CACNA2D3: variants seen among roughly 807,000 people sequenced by gnomAD.
CACNA2D3 encodes voltage-dependent calcium channel subunit alpha-2/delta-3.
In CACNA2D3, 60 loss-of-function variants were observed where a neutral mutation model predicts 160.6. That is an observed-to-expected ratio of 0.37 (90% confidence interval 0.30 to 0.46). The LOEUF (loss-of-function observed/expected upper bound fraction) is 0.46. Among genes scored for constraint, CACNA2D3 ranks in the 20% least tolerant of loss-of-function variants. The pLI is 1.00. For missense variants in CACNA2D3, 1,205 were observed against 1,365.0 expected (o/e 0.88, Z 1.85); for synonymous variants, 558 against 492.9 (o/e 1.13, Z -1.75).
chr3:54,169,067 A>G (rs532065191), intron 2 of CACNA2D3, among the ~76,000 whole-genome samples: 1 of 152,238 alleles, frequency 6.6e-6, no homozygotes, highest in Admixed American at 6.5e-5. Context: ...CTGGCAGGGA[A>G]ATGTTGCTTA....
intron 2 of CACNA2D3, among the ~76,000 whole-genome samples, chr3:54,262,277 T>C (rs1350130396): frequency 6.6e-6 from 1 of 152,160 alleles, no homozygotes; most frequent in Non-Finnish European, 1.5e-5. Context: ...AGCTATTTAT[T>C]GTGTCTCCAA....
At chr3:55,043,501 C>T (rs1318661608) in intron 35 of CACNA2D3, among the ~76,000 whole-genome samples, 2 of 151,782 alleles carry the variant, frequency 1.3e-5, no homozygotes, top group Non-Finnish European at 2.9e-5. Context: ...AAAAAAGGTA[C>T]TTTGTTTTCT....
At chr3:54,215,008 G>C (rs1323852134) in intron 2 of CACNA2D3, among the ~76,000 whole-genome samples, 8 of 152,134 alleles carry the variant, frequency 5.3e-5, no homozygotes, top group Admixed American at 5.2e-4. Flanking sequence ...ACATCTTCCA[G>C]GCGTCAGTCA....
At chr3:54,526,614 A>G (rs1179834366) in intron 5 of CACNA2D3, among the ~76,000 whole-genome samples, 1 of 152,178 alleles carries the variant, frequency 6.6e-6, no homozygotes, top group Non-Finnish European at 1.5e-5. Flanking sequence ...TGCCTTGGGT[A>G]GAGCACAGTC....
chr3:54,687,264 C>T (rs541364169), intron 11 of CACNA2D3, among the ~76,000 whole-genome samples: 20 of 151,138 alleles, frequency 1.3e-4, no homozygotes, highest in African/African-American at 4.9e-4. Flanking sequence ...CCTCAGCCTC[C>T]CGAGTAGCTG....
At chr3:54,142,753 G>C (rs796509456) in intron 2 of CACNA2D3, among the ~76,000 whole-genome samples, 20 of 152,318 alleles carry the variant, frequency 1.3e-4, no homozygotes, top group African/African-American at 4.8e-4. Context: ...AAGAAGCTGA[G>C]GCATGGAATA....
At chr3:54,414,089 A>T (rs1473761604) in intron 4 of CACNA2D3, among the ~76,000 whole-genome samples, 1 of 151,928 alleles carries the variant, frequency 6.6e-6, no homozygotes. Context: ...AATTAAATTT[A>T]TATTAGGAAA....
intron 2 of CACNA2D3, among the ~76,000 whole-genome samples, chr3:54,258,009 A>G (rs1164122392): frequency 1.3e-5 from 2 of 152,196 alleles, no homozygotes; most frequent in African/African-American, 2.4e-5. Context: ...GTTTTGAGGT[A>G]TTTTTATAAG....
At chr3:54,652,843 C>T (rs564111800) in intron 11 of CACNA2D3, among the ~76,000 whole-genome samples, 40 of 138,144 alleles carry the variant, frequency 2.9e-4, no homozygotes, top group Non-Finnish European at 5.2e-4. Context: ...AGTGTAGTTG[C>T]GTAATCATGG....
chr3:54,186,443 G>A (rs1362303970), intron 2 of CACNA2D3, among the ~76,000 whole-genome samples: 1 of 152,140 alleles, frequency 6.6e-6, no homozygotes, highest in Non-Finnish European at 1.5e-5. Flanking sequence ...AATTATGCAT[G>A]TAAAACAGAA....
chr3:54,592,857 C>G (rs1052706042), intron 9 of CACNA2D3, among the ~76,000 whole-genome samples: 5 of 152,166 alleles, frequency 3.3e-5, no homozygotes, highest in Non-Finnish European at 7.3e-5. Flanking sequence ...ACCAGAGTTG[C>G]TGGATTTTCC....
At chr3:54,927,687 A>G (rs1418601899) in intron 27 of CACNA2D3, among the ~76,000 whole-genome samples, 1 of 152,178 alleles carries the variant, frequency 6.6e-6, no homozygotes, top group Non-Finnish European at 1.5e-5. Flanking sequence ...CATGCCAACT[A>G]CATATTCATG....
chr3:54,695,555 C>T (rs1178674029), intron 11 of CACNA2D3, among the ~76,000 whole-genome samples: 1 of 152,136 alleles, frequency 6.6e-6, no homozygotes, highest in African/African-American at 2.4e-5. Flanking sequence ...ACATCCCCAC[C>T]AGCAATGTAC....
chr3:54,775,788 C>T (rs528965153), intron 13 of CACNA2D3, among the ~76,000 whole-genome samples: 2 of 152,312 alleles, frequency 1.3e-5, no homozygotes, highest in Admixed American at 1.3e-4. Context: ...AAAGCATTGG[C>T]TGTAGGCAAG....
chr3:54,823,499 C>T (rs1166098221), intron 14 of CACNA2D3, among the ~76,000 whole-genome samples: 1 of 152,044 alleles, frequency 6.6e-6, no homozygotes, highest in Non-Finnish European at 1.5e-5. Context: ...CTCAACAACC[C>T]TCTTTTGCAG....
intron 11 of CACNA2D3, among the ~76,000 whole-genome samples, chr3:54,674,825 C>T (rs1700212730): frequency 6.6e-6 from 1 of 152,156 alleles, no homozygotes; most frequent in African/African-American, 2.4e-5. Context: ...GTAGGGAATG[C>T]AGTATTGACA....
chr3:54,721,775 A>AAAG (rs1553804163), intron 11 of CACNA2D3, among the ~76,000 whole-genome samples: 1 of 151,626 alleles, frequency 6.6e-6, no homozygotes, highest in Non-Finnish European at 1.5e-5. Context: ...AAAAAAAAAA[A>AAAG]AAAAGAAAAG....
At chr3:54,336,180 G>A (rs1446468720) in intron 3 of CACNA2D3, among the ~76,000 whole-genome samples, 6 of 152,126 alleles carry the variant, frequency 3.9e-5, no homozygotes, top group Non-Finnish European at 8.8e-5. Flanking sequence ...GTCTTCTTAC[G>A]CATGGACGCC....
intron 4 of CACNA2D3, among the ~76,000 whole-genome samples, chr3:54,457,925 G>T (rs762791128): frequency 3.3e-5 from 5 of 151,902 alleles, no homozygotes; most frequent in African/African-American, 4.8e-5. Context: ...GTTTCTATTT[G>T]TATGGATATC....
Sources: allele counts gnomAD v4.1 joint callset (sites outside exome capture counted in the v4.1 genomes callset), GRCh38; gene constraint gnomAD v4.1.1; transcripts MANE v1.5; gene names NCBI Gene and HGNC (gene_info 2026-07-23, HGNC 2026-07-21).